The following TACC1 variants were observed in gnomAD, a reference collection of about 807,000 sequenced individuals.
The protein encoded by TACC1 is transforming acidic coiled-coil-containing protein 1.
A neutral mutation model predicts 84.4 loss-of-function variants in TACC1; 48 were observed. The ratio of observed to expected loss-of-function variants is 0.57; its 90% confidence interval spans 0.45 to 0.72. The LOEUF (loss-of-function observed/expected upper bound fraction) is 0.72. Ranked by LOEUF, TACC1 falls within the 30% of genes least tolerant of loss-of-function variation. The pLI, the probability that TACC1 is intolerant of heterozygous loss-of-function variation, is 0.00. For synonymous variants in TACC1, 372 were observed against 376.3 expected, an observed-to-expected ratio of 0.99 and a Z score of 0.13; for missense variants, 920 against 973.0, an observed-to-expected ratio of 0.95 and a Z score of 0.72.
chr8:38,782,304 A>G (rs1816170181), upstream of TACC1, among the ~76,000 whole-genome samples: 1 of 152,054 alleles, frequency 6.6e-6, no homozygotes, highest in Non-Finnish European at 1.5e-5. Flanking sequence ...GTTTACTGAG[A>G]ATGATGATTT....
At chr8:38,735,249 G>A (rs544859545) in intron 1 of TACC1, among the ~76,000 whole-genome samples, 2 of 152,148 alleles carry the variant, frequency 1.3e-5, no homozygotes, top group Non-Finnish European at 2.9e-5. Flanking sequence ...AGACAGGTGG[G>A]GAGTTGCCTT....
At chr8:38,784,422 C>G (rs1200495328), upstream of TACC1, among the ~76,000 whole-genome samples, 1 of 152,074 alleles carries the variant, frequency 6.6e-6, no homozygotes, top group African/African-American at 2.4e-5. Context: ...AAAAAATTAG[C>G]TGGGCATGGT....
chr8:38,757,241 C>CCCT, intron 3 of TACC1: 1 of 788,312 alleles, frequency 1.3e-6, no homozygotes, highest in South Asian at 2.2e-5. Flanking sequence ...CCCACCCTTC[C>CCCT]TCCCGCCCCA....
At chr8:38,805,363 A>T (rs1374434357) in intron 2 of TACC1, 2 of 152,252 alleles carry the variant, frequency 1.3e-5, no homozygotes, top group East Asian at 1.9e-4. Context: ...AAACAAATGT[A>T]AAAAGGAAGT....
chr8:38,748,326 T>C (rs1018446873), intron 3 of TACC1, among the ~76,000 whole-genome samples: 1 of 152,048 alleles, frequency 6.6e-6, no homozygotes, highest in Admixed American at 6.5e-5. Flanking sequence ...CAAAAACTGA[T>C]AGAATGAAAG....
At chr8:38,794,545 CGTGT>C (rs1201542255) in intron 2 of TACC1, among the ~76,000 whole-genome samples, 8 of 138,416 alleles carry the variant, frequency 5.8e-5, no homozygotes, top group Admixed American at 3.5e-4. Context: ...TTAGACTGCA[CGTGT>C]GTGTGTGTTT....
chr8:38,822,967 T>C (rs1285561921), intron 3 of TACC1, among the ~76,000 whole-genome samples: 1 of 152,194 alleles, frequency 6.6e-6, no homozygotes, highest in Non-Finnish European at 1.5e-5. Context: ...GAGTAAAATG[T>C]AGATATAAAG....
chr8:38,830,648 G>C (rs1296729668), intron 5 of TACC1, among the ~76,000 whole-genome samples: 4 of 152,210 alleles, frequency 2.6e-5, no homozygotes, highest in Non-Finnish European at 5.9e-5. Flanking sequence ...ATTTGAAGGG[G>C]TGGAGGGGAG....
intron 1 of TACC1, among the ~76,000 whole-genome samples, chr8:38,736,189 G>A (rs1805920420): frequency 6.6e-6 from 1 of 152,128 alleles, no homozygotes; most frequent in Non-Finnish European, 1.5e-5. Flanking sequence ...GCTTGGGGTT[G>A]CATTTAAGGC....
intron 10 of TACC1, 111 bp downstream of exon 10, chr8:38,842,558 G>A: frequency 8.4e-7 from 1 of 1,183,938 alleles, no homozygotes; most frequent in South Asian, 1.6e-5. Context: ...TTAAATAGGA[G>A]CTCAGGGCCT....
intron 10 of TACC1, 52 bp from the exon 11 acceptor site, chr8:38,843,237 G>T (rs993920053): frequency 3.9e-6 from 5 of 1,277,862 alleles, no homozygotes; most frequent in Non-Finnish European, 5.4e-6. Flanking sequence ...ATATGTGGTA[G>T]ATTAGAAGAA....
At chr8:38,824,865 T>C (rs1057440195) in intron 3 of TACC1, 14 of 161,072 alleles carry the variant, frequency 8.7e-5, no homozygotes, top group African/African-American at 3.4e-4. Flanking sequence ...GAGACGTCTA[T>C]GGCTTTTAGT....
upstream of TACC1, chr8:38,785,815 C>A: frequency 1.5e-6 from 1 of 671,216 alleles, no homozygotes; most frequent in Non-Finnish European, 1.8e-6. Context: ...TAGTTCACTT[C>A]TTTATAGTCG....
chr8:38,729,966 C>G (rs1419194952), intron 1 of TACC1, among the ~76,000 whole-genome samples: 1 of 152,216 alleles, frequency 6.6e-6, no homozygotes, highest in Non-Finnish European at 1.5e-5. Context: ...CAGCGTGGAG[C>G]CTGGGGGCAC....
chr8:38,729,278 C>T (rs1392544694), intron 1 of TACC1, among the ~76,000 whole-genome samples: 3 of 152,208 alleles, frequency 2.0e-5, no homozygotes, highest in African/African-American at 7.2e-5. Context: ...TGGCACAGAC[C>T]CTGGTCAGGG....
chr8:38,784,434 G>T (rs899794152), upstream of TACC1, among the ~76,000 whole-genome samples: 1 of 152,138 alleles, frequency 6.6e-6, no homozygotes, highest in Admixed American at 6.5e-5. Context: ...GGGCATGGTG[G>T]CAGGAACCTG....
At chr8:38,760,259 CATT>C (rs1476496147) in intron 3 of TACC1, among the ~76,000 whole-genome samples, 1 of 152,164 alleles carries the variant, frequency 6.6e-6, no homozygotes, top group Non-Finnish European at 1.5e-5. Context: ...AGATACAATT[CATT>C]ATTATTGAGA....
At chr8:38,810,986 G>A (rs1389648184) in intron 2 of TACC1, among the ~76,000 whole-genome samples, 2 of 152,020 alleles carry the variant, frequency 1.3e-5, no homozygotes, top group Admixed American at 6.6e-5. Flanking sequence ...TGGGTGTGGT[G>A]GTGTGCCTGT....
chr8:38,759,519 C>T lies in TACC1; in HGVS notation c.26+14026C>T, dbSNP rs569714260. ...GGCTTGGCAGCCTACTTGTTTTACC[C>T]GTATAATATAAACATGCATAAAGGA... On this transcript the variant is annotated intron_variant, in intron 3 of 14. Transcript: ENST00000518415. Among the ~76,000 whole-genome samples, 4 of 152,264 alleles carry T rather than the reference C, an allele frequency of 2.6e-5. No individual in the cohort carries two copies. The South Asian group carries it at 6.2e-4, about 24-fold the overall frequency.
Sources: allele counts gnomAD v4.1 joint callset (sites outside exome capture counted in the v4.1 genomes callset), GRCh38; gene constraint gnomAD v4.1.1; transcripts MANE v1.5; gene names NCBI Gene and HGNC (gene_info 2026-07-23, HGNC 2026-07-21).